The following SRSF3 variants were observed in gnomAD, a reference collection of about 807,000 sequenced individuals.
SRSF3 encodes the protein serine/arginine-rich splicing factor 3.
For synonymous variants in SRSF3, 87 were observed against 73.6 expected (o/e 1.18, Z -0.93); for missense variants, 58 against 217.1 (o/e 0.27, Z 4.61).
chr6:36,601,240 G>C (rs774514710), intron 4 of SRSF3, 50 bp downstream of exon 4: 1 of 1,602,456 alleles, frequency 6.2e-7, no homozygotes, highest in East Asian at 2.2e-5. Context: ...CAGTGTTTCT[G>C]CTATTCCTAA....
At position 36,601,723 on chromosome 6, in the gene SRSF3, T is replaced by G; in HGVS notation, c.396T>G (p.Asp132Glu). The change falls in exon 5 of 6, where the codon GAT becomes GAG. Residue 132 changes from aspartate (D) to glutamate (E), a missense_variant. Transcript: ENST00000373715. ...SRSRSRSLSR[D>E]RRRERSLSRE... ...GCTTGTTTAGGTCCCTTTCTAGAGA[T>G]AGGAGAAGAGAGAGATCGCTGTCTC... The G allele has an allele frequency of 6.2e-7, 1 of 1,605,192 alleles. No individual in the cohort carries two copies. The highest frequency in any genetic ancestry group is 8.5e-7 in the Non-Finnish European group (1 of 1,173,008).
chr6:36,600,992 C>CT lies in SRSF3; in HGVS notation c.342-152dup, dbSNP rs1169887735. The CT allele has an allele frequency of 6.8e-4, 230 of 340,232 alleles. 1 individual carries two copies. In the African/African-American group the frequency reaches 7.3e-3, roughly 11 times the overall value. 21.1% of individuals were successfully genotyped at this position (340,232 alleles called of 1,614,324 possible). On this transcript the variant is annotated intron_variant, in intron 3 of 5. Coordinates refer to ENST00000373715, the MANE Select transcript of SRSF3 (RefSeq NM_003017.5). ...TCCTTCTGTGCCTTTTTTTTCTTTTCTTTTTTTTCTTTTTTTTTTTTTTTT... is the reference window on the plus strand; with the variant it reads ...TCCTTCTGTGCCTTTTTTTTCTTTTCTTTTTTTTTCTTTTTTTTTTTTTTTT...
chr6:36,599,839 T>C lies in SRSF3; in HGVS notation c.341+856T>C, dbSNP rs1778688607. ...GTTACAGAGTCACCATCATGTCTCT[T>C]CTCACCACCCTCTGAATCTGCATTA... On this transcript the variant is annotated intron_variant, in intron 3 of 5. Coordinates refer to ENST00000373715, the MANE Select transcript of SRSF3 (RefSeq NM_003017.5). 3 of 1,352,056 alleles carry C rather than the reference T, an allele frequency of 2.2e-6. No individual in the cohort carries two copies. In the African/African-American group the frequency reaches 4.4e-5, roughly 20 times the overall value. 83.8% of individuals were successfully genotyped at this position (1,352,056 alleles called of 1,614,324 possible).
In SRSF3 at chr6:36,601,952, T is replaced by TTTTTTTTTTTTG; in HGVS notation, c.468-3_468-2insTTTTGTTTTTTT. On this transcript the variant is annotated splice_polypyrimidine_tract_variant and intron_variant, in intron 5 of 5. Coordinates refer to ENST00000373715, the MANE Select transcript of SRSF3 (RefSeq NM_003017.5). ...AATGTTTTGTTTTCTTTTTTTTTTTTTTTTTTTAGTCGATCTAGGTCAAAT... is the reference window on the plus strand; with the variant it reads ...AATGTTTTGTTTTCTTTTTTTTTTTTTTTTTTTTTTTGTTTTTTTAGTCGATCTAGGTCAAAT... The TTTTTTTTTTTTG allele has an allele frequency of 6.3e-7, 1 of 1,578,700 alleles. No individual in the cohort carries two copies. Among genetic ancestry groups the TTTTTTTTTTTTG allele is most frequent in the Non-Finnish European group, 8.6e-7 (1 of 1,168,616 alleles).
At position 36,605,357 on chromosome 6, in the gene SRSF3, G is replaced by GCT; in HGVS notation, c.*3369_*3370insTC. 6.6e-6 allele frequency: 1 copy of GCT among 152,220 alleles called. No individual in the cohort carries two copies. The highest frequency in any genetic ancestry group is 2.4e-5 in the African/African-American group (1 of 41,522). The allele number at this position is 152,220 out of a possible 1,614,324, so 9.4% of individuals were successfully genotyped here. On this transcript the variant is annotated 3_prime_UTR_variant, in exon 6 of 6. Coordinates refer to ENST00000373715, the MANE Select transcript of SRSF3 (RefSeq NM_003017.5). ...GTACAAAAATTAGCTGGGTGTGGTG[G>GCT]CAGGCGCCTATAATGCCAGCCACTT...
chr6:36,600,033 C>G, intron 3 of SRSF3: 1 of 1,242,098 alleles, frequency 8.1e-7, no homozygotes, highest in Non-Finnish European at 1.0e-6. Context: ...AAATCGGCAG[C>G]AGCCACCTCG....
chr6:36,597,433 T>C (rs1278231328), intron 2 of SRSF3, among the ~76,000 whole-genome samples: 2 of 152,176 alleles, frequency 1.3e-5, no homozygotes, highest in Non-Finnish European at 2.9e-5. Flanking sequence ...AGAGTAGTTG[T>C]GAACTGATCC....
chr6:36,599,681 A>G, intron 3 of SRSF3: 2 of 645,384 alleles, frequency 3.1e-6, no homozygotes, highest in Non-Finnish European at 4.9e-6. Flanking sequence ...CCCTTTTGCT[A>G]TTTTGAAAAA....
chr6:36,596,897 A>C lies in SRSF3; in HGVS notation c.135A>C (p.Pro45=), dbSNP rs1382800232. ...GAAGTGTGTGGGTTGCTAGAAACCC[A>C]CCCGGCTTTGCTTTTGTTGAATTTG... The part of the protein sequence containing the change: ...PLRSVWVARN[P]PGFAFVEFED... Residue 45 remains proline, a synonymous_variant, in exon 2 of 6, where the codon CCA becomes CCC. Coordinates refer to ENST00000373715, the MANE Select transcript of SRSF3 (RefSeq NM_003017.5). 5.6e-6 allele frequency: 9 copies of C among 1,613,900 alleles called. 1 individual carries two copies. In the Admixed American group the frequency reaches 1.5e-4, roughly 27 times the overall value.
At chr6:36,595,142 C>G (rs1282080806) in intron 1 of SRSF3, among the ~76,000 whole-genome samples, 1 of 152,112 alleles carries the variant, frequency 6.6e-6, no homozygotes, top group African/African-American at 2.4e-5. Flanking sequence ...TAGACAAGCC[C>G]AGAGTAAGAA....
At chr6:36,601,276 G>A (rs1778711795) in intron 4 of SRSF3, 86 bp downstream of exon 4, 2 of 1,371,544 alleles carry the variant, frequency 1.5e-6, no homozygotes, top group Non-Finnish European at 1.0e-6. Context: ...TTAGTTAATG[G>A]GAATAAACCT....
At position 36,602,824 on chromosome 6, in the gene SRSF3, G is replaced by A. The variant is rs1367523173; in HGVS notation, c.*835G>A. 3 of 208,308 alleles carry A rather than the reference G, an allele frequency of 1.4e-5. No individual in the cohort carries two copies. The allele number at this position is 208,308 out of a possible 1,614,324, so 12.9% of individuals were successfully genotyped here. The stretch of plus-strand genomic sequence containing the variant: ...TTTCCTTGCAAACTCAAATCTGTGA[G>A]CTTGGTACCAAGTCCAGGTATAACA... On this transcript the variant is annotated 3_prime_UTR_variant, in exon 6 of 6. Transcript: ENST00000373715.
chr6:36,599,771 T>G (rs1042722490), intron 3 of SRSF3: 9 of 1,298,764 alleles, frequency 6.9e-6, no homozygotes, highest in Non-Finnish European at 8.2e-6. Context: ...GTTTTTCATT[T>G]TTTTTGTGCT....
intron 1 of SRSF3, among the ~76,000 whole-genome samples, chr6:36,595,908 CATTT>C (rs989701736): frequency 3.1e-4 from 47 of 151,406 alleles, no homozygotes; most frequent in Middle Eastern, 3.2e-3. Flanking sequence ...CCAAAATAGG[CATTT>C]ATTTATTTAT....
In SRSF3 at chr6:36,604,786, T is replaced by G. The variant is rs1778784394; in HGVS notation, c.*2797T>G. 1 of 152,254 alleles carries G rather than the reference T, an allele frequency of 6.6e-6. No homozygotes were observed. Among genetic ancestry groups the G allele is most frequent in the Non-Finnish European group, 1.5e-5 (1 of 68,074 alleles). The allele number at this position is 152,254 out of a possible 1,614,324, so 9.4% of individuals were successfully genotyped here. ...ACAGCCAGACTCCAGGCTCATTGACTTAGTTTTTCAGGGTGACCTAACCCT... is the reference window on the plus strand; with the variant it reads ...ACAGCCAGACTCCAGGCTCATTGACGTAGTTTTTCAGGGTGACCTAACCCT... On this transcript the variant is annotated 3_prime_UTR_variant, in exon 6 of 6. Transcript: ENST00000373715.
At chr6:36,598,172 A>G (rs1778663119) in intron 2 of SRSF3, among the ~76,000 whole-genome samples, 2 of 152,318 alleles carry the variant, frequency 1.3e-5, no homozygotes, top group South Asian at 4.1e-4. Flanking sequence ...AGAAATCATA[A>G]TGAAGATACA....
Position 36,601,194 on chromosome 6 carries a change from A to G in SRSF3, c.380+4A>G. Reference sequence around the variant, plus strand: ...GCTTCTCTCGCAGCCGGAGCAGGTAAATGACTACCTTTTTTGGCTACGTTC... The same window carrying G: ...GCTTCTCTCGCAGCCGGAGCAGGTAGATGACTACCTTTTTTGGCTACGTTC... On this transcript the variant is annotated splice_donor_region_variant and intron_variant, in intron 4 of 5. Coordinates refer to ENST00000373715, the MANE Select transcript of SRSF3 (RefSeq NM_003017.5). 1 of 1,612,932 alleles carries G rather than the reference A, an allele frequency of 6.2e-7. No homozygotes were observed. Among genetic ancestry groups the G allele is most frequent in the Non-Finnish European group, 8.5e-7 (1 of 1,179,714 alleles).
chr6:36,597,173 C>T, intron 2 of SRSF3: 1 of 574,766 alleles, frequency 1.7e-6, no homozygotes, highest in Non-Finnish European at 3.0e-6. Flanking sequence ...GGTACAGTCT[C>T]CCGCTCCCCG....
At chr6:36,601,064 C>T in intron 3 of SRSF3, 88 bp from the exon 4 acceptor site, 8 of 946,920 alleles carry the variant, frequency 8.4e-6, no homozygotes, top group Non-Finnish European at 1.1e-5. Flanking sequence ...ATTCACTGGG[C>T]CCAACAGTGA....
Sources: allele counts gnomAD v4.1 joint callset (sites outside exome capture counted in the v4.1 genomes callset), GRCh38; gene constraint gnomAD v4.1.1; transcripts MANE v1.5; gene names NCBI Gene and HGNC (gene_info 2026-07-23, HGNC 2026-07-21).